GEN1: variants seen among roughly 807,000 people sequenced by gnomAD.
GEN1 encodes GEN1 structure-specific endonuclease.
A neutral mutation model predicts 67.6 loss-of-function variants in GEN1; 64 were observed. That is an observed-to-expected ratio of 0.95 (90% CI 0.77 to 1.17). The LOEUF (loss-of-function observed/expected upper bound fraction) is 1.17. Among genes scored for constraint, GEN1 ranks in the 50% most tolerant of loss-of-function variants. The pLI is 0.00. For missense variants in GEN1, 1,058 were observed against 1,048.3 expected (o/e 1.01, Z -0.13); for synonymous variants, 371 against 359.4 (o/e 1.03, Z -0.37).
At chr2:17,770,002 C>T (rs1248691521) in intron 6 of GEN1, among the ~76,000 whole-genome samples, 2 of 152,100 alleles carry the variant, frequency 1.3e-5, no homozygotes, top group Non-Finnish European at 2.9e-5. Flanking sequence ...TCTCTTTTAG[C>T]TGTAAAACTG....
Position 17,770,413 on chromosome 2 carries a change from A to G in GEN1, c.711-783A>G, listed in dbSNP as rs568149734. Among the ~76,000 whole-genome samples, 5 of 152,272 alleles carry G rather than the reference A, an allele frequency of 3.3e-5. No homozygotes were observed. The South Asian group carries it at 6.2e-4, about 19-fold the overall frequency. On this transcript the variant is annotated intron_variant, in intron 6 of 13. Transcript: ENST00000381254. ...AAATGAATTAGAAATTCCAGAAGCT[A>G]AATAGTAACTCTTAAGTACCAGATA...
intron 1 of GEN1, among the ~76,000 whole-genome samples, chr2:17,758,398 T>C (rs552519575): frequency 2.4e-4 from 36 of 152,336 alleles, no homozygotes; most frequent in African/African-American, 8.7e-4. Flanking sequence ...TCTCAGACTT[T>C]TGGTTTAATG....
chr2:17,781,211 T>G lies in GEN1; in HGVS notation c.1999T>G (p.Leu667Val), dbSNP rs1281703313. ...GCATCTACTTTCTGGCATTACTGAT[T>G]TATGTCTTCAGGATTTGCCTTTAAA... Reference protein sequence around the residue: ...EEHLLSGITDLCLQDLPLKER... With the variant: ...EEHLLSGITDVCLQDLPLKER... Residue 667 changes from leucine to valine, a missense_variant, in exon 14 of 14, where the codon TTA (leucine) becomes GTA (valine). Coordinates refer to ENST00000381254, the MANE Select transcript of GEN1 (RefSeq NM_001130009.3). 6.2e-7 allele frequency: 1 copy of G among 1,613,622 alleles called. No individual in the cohort carries two copies. Among genetic ancestry groups the G allele is most frequent in the Admixed American group, 1.7e-5 (1 of 60,012 alleles).
chr2:17,778,113 T>TA, intron 12 of GEN1, 50 bp downstream of exon 12: 1 of 954,960 alleles, frequency 1.0e-6, no homozygotes, highest in Non-Finnish European at 1.7e-6. Context: ...TTTGACCATG[T>TA]ATGTCTAGTA....
intron 5 of GEN1, 104 bp downstream of exon 5, chr2:17,766,793 A>G (rs1671955982): frequency 1.7e-6 from 1 of 589,640 alleles, no homozygotes; most frequent in African/African-American, 1.9e-5. Flanking sequence ...TAAAAATCGA[A>G]TTTAAAATAT....
intron 4 of GEN1, among the ~76,000 whole-genome samples, chr2:17,765,331 T>G (rs1160771545): frequency 2.6e-5 from 4 of 152,238 alleles, no homozygotes; most frequent in Non-Finnish European, 5.9e-5. Flanking sequence ...CATCACGAAT[T>G]GCATATGAAA....
chr2:17,780,535 T>G, intron 13 of GEN1, 86 bp from the exon 14 acceptor site: 1 of 866,486 alleles, frequency 1.2e-6, no homozygotes. Flanking sequence ...TAGAGATTTC[T>G]CTCTGAACTG....
At chr2:17,773,438 C>CT in intron 10 of GEN1, 139 bp downstream of exon 10, 1 of 589,496 alleles carries the variant, frequency 1.7e-6, no homozygotes, top group Non-Finnish European at 3.0e-6. Flanking sequence ...TTTATTTCTA[C>CT]TCTCTCATTT....
Position 17,773,242 on chromosome 2 carries a change from C to A in GEN1, c.1014C>A (p.Asn338Lys). 1 of 1,600,152 alleles carries A rather than the reference C, an allele frequency of 6.2e-7. No individual in the cohort carries two copies. Among genetic ancestry groups the A allele is most frequent in the Non-Finnish European group, 8.5e-7 (1 of 1,171,042 alleles). Reference sequence around the variant, plus strand: ...AGGTTATTCAAGAATTCCTTTTAAACAAGGATAAATTGGTGAAGGTTATCA... The same window carrying A: ...AGGTTATTCAAGAATTCCTTTTAAAAAAGGATAAATTGGTGAAGGTTATCA... ...FHEVIQEFLL[N>K]KDKLVKVIRY... The change falls in exon 10 of 14, where the codon AAC (asparagine) becomes AAA (lysine). Residue 338 changes from asparagine to lysine, a missense_variant. By Grantham distance (94) the Asn-to-Lys change is moderately conservative. Transcript: ENST00000381254.
In GEN1 at chr2:17,767,479, A is replaced by G. The variant is rs1021557736; in HGVS notation, c.636+790A>G. Among the ~76,000 whole-genome samples the G allele has an allele frequency of 1.8e-4, 28 of 152,328 alleles. 3 individuals carry two copies. The highest frequency in any genetic ancestry group is 1.8e-3 in the Admixed American group (27 of 15,288). ...GAAAATATAGCAGGGTAATAAAATT[A>G]TTAAGCCTAATTTGTAATTTATATC... On this transcript the variant is annotated intron_variant, in intron 5 of 13. Transcript: ENST00000381254.
intron 5 of GEN1, among the ~76,000 whole-genome samples, 180 bp from the exon 6 acceptor site, chr2:17,768,558 C>G (rs919939206): frequency 1.4e-4 from 21 of 152,322 alleles, no homozygotes; most frequent in South Asian, 1.2e-3. Flanking sequence ...AAATCCTGAT[C>G]ATATACACTA....
chr2:17,766,496 C>T, intron 4 of GEN1, 83 bp from the exon 5 acceptor site: 2 of 763,880 alleles, frequency 2.6e-6, no homozygotes, highest in Non-Finnish European at 4.4e-6. Context: ...TTAAAGATAA[C>T]ATTGACAAAT....
chr2:17,772,586 A>C, intron 7 of GEN1, 48 bp from the exon 8 acceptor site: 1 of 1,534,262 alleles, frequency 6.5e-7, no homozygotes. Context: ...TGTAGAAAGT[A>C]ATTATAAAAG....
At position 17,772,749 on chromosome 2, in the gene GEN1, T is replaced by G. The variant is rs781563407; in HGVS notation, c.918T>G (p.Asp306Glu). ...CPCEWHRTEHDRQLSEVENNI... is the reference protein window; with the variant it reads ...CPCEWHRTEHERQLSEVENNI... ...GTGAGTGGCACCGTACAGAACATGA[T>G]AGGCAACTCAGTGAAGTAGAGAACA... Residue 306 changes from aspartate (D) to glutamate (E), a missense_variant, in exon 8 of 14, where the codon GAT (aspartate) becomes GAG (glutamate). Transcript: ENST00000381254. 1.2e-6 allele frequency: 2 copies of G among 1,610,652 alleles called. No homozygotes were observed. Among genetic ancestry groups the G allele is most frequent in the Non-Finnish European group, 1.7e-6 (2 of 1,178,320 alleles).
chr2:17,778,357 CATATATGTATATACACACACAT>C (rs1672630093), intron 12 of GEN1, among the ~76,000 whole-genome samples: 1 of 46,224 alleles, frequency 2.2e-5, no homozygotes, highest in Admixed American at 2.7e-4. Flanking sequence ...CATGTGTGTA[CATATATGTATATACACACACAT>C]ATATGTGTGT....
At position 17,786,471 on chromosome 2, in the gene GEN1, T is replaced by A. The variant is rs1303873655; in HGVS notation, c.*4532T>A. 6.6e-6 allele frequency: 1 copy of A among 152,196 alleles called. No individual in the cohort carries two copies. The highest frequency in any genetic ancestry group is 1.5e-5 in the Non-Finnish European group (1 of 68,032). 9.4% of individuals were successfully genotyped at this position (152,196 alleles called of 1,614,324 possible). On this transcript the variant is annotated 3_prime_UTR_variant, in exon 14 of 14. Coordinates refer to ENST00000381254, the MANE Select transcript of GEN1 (RefSeq NM_001130009.3). ...AATGTGGTAACTAATATTCATCTAA[T>A]CACCTACCACATTTTTGGAGCACCC...
chr2:17,775,794 G>T lies in GEN1; in HGVS notation c.1202+1393G>T, dbSNP rs183734192. The stretch of plus-strand genomic sequence containing the variant: ...ACTGCTTTCATATGCTTTCTAATAC[G>T]TTAAACTGAGAAAGATACTACATTA... On this transcript the variant is annotated intron_variant, in intron 11 of 13. Transcript: ENST00000381254. Among the ~76,000 whole-genome samples the T allele has an allele frequency of 8.0e-4, 122 of 152,214 alleles. 1 individual carries two copies. Among genetic ancestry groups the T allele is most frequent in the Admixed American group, 3.6e-3 (55 of 15,288 alleles).
chr2:17,764,768 TAAA>T, intron 3 of GEN1, 126 bp from the exon 4 acceptor site: 3 of 812,850 alleles, frequency 3.7e-6, no homozygotes, highest in Non-Finnish European at 5.4e-6. Context: ...AAGTGTTTCT[TAAA>T]TATCGTAATT....
chr2:17,772,618 T>G lies in GEN1; in HGVS notation c.803-16T>G. ...AAAGGCAAAAAATATTATACTTTTT[T>G]TGGGTCTCCATAAAGGTTCACCTAA... On this transcript the variant is annotated splice_polypyrimidine_tract_variant and intron_variant, in intron 7 of 13. Transcript: ENST00000381254. The G allele has an allele frequency of 2.5e-6, 4 of 1,576,576 alleles. No homozygotes were observed. Among genetic ancestry groups the G allele is most frequent in the Non-Finnish European group, 3.4e-6 (4 of 1,164,988 alleles).
Sources: gnomAD v4.1 joint callset for allele counts (sites outside exome capture counted in the v4.1 genomes callset) on GRCh38, gnomAD v4.1.1 for gene constraint, MANE v1.5 for transcripts, NCBI Gene and HGNC (gene_info 2026-07-23, HGNC 2026-07-21) for gene names.